Variants in KLF8 observed in about 807,000 individuals in gnomAD.
KLF8 encodes the protein Krueppel-like factor 8.
In KLF8, 10 loss-of-function variants were observed where a neutral mutation model predicts 18.2. The observed-to-expected ratio is 0.55, with a 90% CI of 0.34 to 0.93. The LOEUF (loss-of-function observed/expected upper bound fraction) is 0.93. Ranked by LOEUF, KLF8 falls within the 40% of genes least tolerant of loss-of-function variation. The probability of loss-of-function intolerance (pLI) is 0.02; values close to 1 mark genes in which losing one functional copy is unlikely to be tolerated. For missense variants in KLF8, 264 were observed against 277.9 expected (o/e 0.95, Z 0.36); for synonymous variants, 109 against 97.3 (o/e 1.12, Z -0.71).
At chrX:56,049,095 G>C in the KLF8 span, among the ~76,000 whole-genome samples, 1 of 111,843 alleles carries the variant, frequency 8.9e-6, no homozygotes, top group Non-Finnish European at 1.9e-5. Context: ...AAGAATGCTT[G>C]TGATTTTTGC....
the KLF8 span, among the ~76,000 whole-genome samples, chrX:56,047,140 T>G: frequency 1.8e-5 from 2 of 110,983 alleles, no homozygotes; most frequent in Non-Finnish European, 3.8e-5. Flanking sequence ...CTCCTGCTTA[T>G]TTGACTCTAT....
the KLF8 span, among the ~76,000 whole-genome samples, chrX:55,941,741 A>G: frequency 1.8e-5 from 2 of 112,455 alleles, no homozygotes; most frequent in Admixed American, 1.9e-4. Flanking sequence ...GAAGACATTT[A>G]TGCAGCCGAA....
At chrX:56,107,554 C>T in the KLF8 span, among the ~76,000 whole-genome samples, 1 of 111,805 alleles carries the variant, frequency 8.9e-6, no homozygotes, top group African/African-American at 3.3e-5. Context: ...GCCTGATCTG[C>T]GGGTTGCTGA....
At chrX:56,068,599 T>C in the KLF8 span, among the ~76,000 whole-genome samples, 1 of 111,145 alleles carries the variant, frequency 9.0e-6, no homozygotes, top group Non-Finnish European at 1.9e-5. Context: ...ATGCCTGCTA[T>C]AACTTTTGCC....
chrX:56,275,992 C>T (rs970649039), intron 5 of KLF8, among the ~76,000 whole-genome samples: 7 of 111,930 alleles, frequency 6.3e-5, no homozygotes, highest in Non-Finnish European at 9.4e-5. Context: ...ATACTGGCCT[C>T]ATAGAATGAG....
At chrX:56,079,425 G>C in the KLF8 span, among the ~76,000 whole-genome samples, 1 of 111,665 alleles carries the variant, frequency 9.0e-6, no homozygotes, top group African/African-American at 3.3e-5. Flanking sequence ...GGAGCAGGTT[G>C]TTCAGTTCCC....
the KLF8 span, among the ~76,000 whole-genome samples, chrX:56,161,587 C>G: frequency 1.8e-5 from 2 of 112,103 alleles, no homozygotes; most frequent in South Asian, 7.4e-4. Context: ...GCATTCGTCA[C>G]GTACTTCTTA....
chrX:56,135,892 G>A, the KLF8 span, among the ~76,000 whole-genome samples: 4 of 111,124 alleles, frequency 3.6e-5, 1 homozygote, highest in Admixed American at 3.8e-4. Context: ...ACCACTAAAT[G>A]CCCACATCAA....
At chrX:56,220,662 T>TA in the KLF8 span, among the ~76,000 whole-genome samples, 1 of 110,780 alleles carries the variant, frequency 9.0e-6, no homozygotes, top group African/African-American at 3.3e-5. Context: ...ATTCTGTTTG[T>TA]ATTTTTAGTA....
the KLF8 span, among the ~76,000 whole-genome samples, chrX:55,934,512 G>A: frequency 8.9e-6 from 1 of 112,338 alleles, no homozygotes; most frequent in East Asian, 2.8e-4. Flanking sequence ...GCTAGTGTAA[G>A]TAGCACCAGA....
the KLF8 span, among the ~76,000 whole-genome samples, chrX:55,936,243 T>A: frequency 8.9e-6 from 1 of 112,298 alleles, no homozygotes; most frequent in African/African-American, 3.2e-5. Flanking sequence ...CACTCCAGTC[T>A]GGAGAATCTC....
At chrX:56,049,852 C>T in the KLF8 span, among the ~76,000 whole-genome samples, 2 of 107,890 alleles carry the variant, frequency 1.9e-5, no homozygotes, top group South Asian at 8.1e-4. Context: ...GTACCAGTTC[C>T]TCCTTGTACC....
chrX:56,090,866 A>G, the KLF8 span, among the ~76,000 whole-genome samples: 1 of 111,523 alleles, frequency 9.0e-6, no homozygotes, highest in Admixed American at 9.5e-5. Flanking sequence ...TGTAAGTGAG[A>G]ATATATGGTA....
At chrX:56,008,351 C>T in the KLF8 span, among the ~76,000 whole-genome samples, 7 of 109,337 alleles carry the variant, frequency 6.4e-5, no homozygotes, top group East Asian at 5.8e-4. Context: ...CTGGGACTGA[C>T]GAGGCAGTTA....
intron 5 of KLF8, among the ~76,000 whole-genome samples, chrX:56,282,772 A>G (rs1044225470): frequency 8.9e-6 from 1 of 112,101 alleles, no homozygotes; most frequent in African/African-American, 3.2e-5. Context: ...CTCATTGTAG[A>G]AGATGGGAAA....
At chrX:55,977,267 C>T in the KLF8 span, among the ~76,000 whole-genome samples, 1 of 111,379 alleles carries the variant, frequency 9.0e-6, no homozygotes, top group Non-Finnish European at 1.9e-5. Flanking sequence ...GCTATATATG[C>T]CTTTATTATG....
intron 2 of KLF8, 26 bp from the exon 3 acceptor site, chrX:56,265,154 A>G (rs1371139175): frequency 8.6e-7 from 1 of 1,158,854 alleles, no homozygotes; most frequent in African/African-American, 1.8e-5. Context: ...TGACTTATGC[A>G]TCTCTCATTT....
rs2067276449 is a variant in KLF8, at chrX:56,287,065, G to C, written c.*2571G>C. On this transcript the variant is annotated 3_prime_UTR_variant, in exon 6 of 6. Coordinates refer to ENST00000468660, the MANE Select transcript of KLF8 (RefSeq NM_007250.5). Reference sequence around the variant, plus strand: ...CAGAATCTTTTGCATTGAGACATATGATCTATTTATAAATAAAGGTTATCA... The same window carrying C: ...CAGAATCTTTTGCATTGAGACATATCATCTATTTATAAATAAAGGTTATCA... The C allele has an allele frequency of 9.0e-6, 1 of 111,584 alleles. No individual in the cohort carries two copies. The highest frequency in any genetic ancestry group is 2.8e-4 in the East Asian group (1 of 3,562). The allele number at this position is 111,584 out of a possible 1,213,427, so 9.2% of individuals were successfully genotyped here.
the KLF8 span, among the ~76,000 whole-genome samples, chrX:56,111,941 A>G: frequency 8.9e-6 from 1 of 112,096 alleles, no homozygotes; most frequent in African/African-American, 3.2e-5. Context: ...TCAAGAATCT[A>G]GAACCAGAAA....
Sources: gnomAD v4.1 joint callset for allele counts (sites outside exome capture counted in the v4.1 genomes callset) on GRCh38, gnomAD v4.1.1 for gene constraint, MANE v1.5 for transcripts, NCBI Gene and HGNC (gene_info 2026-07-23, HGNC 2026-07-21) for gene names.